ZNF268: variants seen among roughly 807,000 people sequenced by gnomAD.
The protein encoded by ZNF268 is zinc finger protein 268.
A neutral mutation model predicts 29.3 loss-of-function variants in ZNF268; 20 were observed. That is an observed-to-expected ratio of 0.68 (90% CI 0.48 to 0.99). The LOEUF is 0.99. ZNF268 is among the 50% of genes least tolerant of loss of function. The pLI is 0.00. For synonymous variants in ZNF268, 429 were observed against 376.9 expected, an observed-to-expected ratio of 1.14 and a Z score of -1.60; for missense variants, 1,240 against 1,121.6, an observed-to-expected ratio of 1.11 and a Z score of -1.51.
At chr12:133,196,319 TA>T (rs58218652) in intron 5 of ZNF268, among the ~76,000 whole-genome samples, 2,143 of 100,916 alleles carry the variant, frequency 0.021, 56 homozygotes, top group African/African-American at 0.064. Context: ...AGACTCCATC[TA>T]AAAAAAAAAA....
chr12:133,182,809 T>G (rs1369049677), intron 2 of ZNF268, among the ~76,000 whole-genome samples: 3 of 152,112 alleles, frequency 2.0e-5, no homozygotes, highest in African/African-American at 7.2e-5. Context: ...ATAGTAGAGT[T>G]ATATTAAAAA....
In ZNF268 at chr12:133,203,738, T is replaced by G. The variant is rs1363230573; in HGVS notation, c.2052T>G (p.Ile684Met). Reference protein sequence around the residue: ...AKTFSLKSQLIVHQRSHTGVK... With the variant: ...AKTFSLKSQLMVHQRSHTGVK... ...CCTTTAGTTTGAAGTCCCAGCTCAT[T>G]GTACATCAGAGAAGTCACACAGGAG... Residue 684 changes from isoleucine (I) to methionine (M), a missense_variant, in exon 6 of 6, where the codon ATT (isoleucine) becomes ATG (methionine). Ile to Met is a conservative substitution (Grantham distance 10). Around this residue, in one of 3 missense-constraint regions of ZNF268, gnomAD observed 1,177 missense variants for 1,039.6 expected, o/e 1.13. Coordinates refer to ENST00000536435, the MANE Select transcript of ZNF268 (RefSeq NM_003415.3). 1 of 1,556,022 alleles carries G rather than the reference T, an allele frequency of 6.4e-7. No homozygotes were observed. The highest frequency in any genetic ancestry group is 1.2e-5 in the South Asian group (1 of 85,978).
rs370704179 is a variant in ZNF268, at chr12:133,203,653, T to C, written c.1967T>C (p.Ile656Thr). 4.8e-5 allele frequency: 75 copies of C among 1,554,820 alleles called. No homozygotes were observed. Among genetic ancestry groups the C allele is most frequent in the Admixed American group, 1.2e-4 (6 of 51,920 alleles). The change falls in exon 6 of 6, where the codon ATT becomes ACT. Residue 656 changes from isoleucine (I) to threonine (T), a missense_variant. By Grantham distance (89) the Ile-to-Thr change is moderately conservative. Around this residue, in one of 3 missense-constraint regions of ZNF268, gnomAD observed 1,177 missense variants for 1,039.6 expected, o/e 1.13. Transcript: ENST00000536435. Reference sequence around the variant, plus strand: ...GCCTTTACGTTCAAATCACAGCTCATTGTACATAAAGGAGTGCACACTGGA... The same window carrying C: ...GCCTTTACGTTCAAATCACAGCTCACTGTACATAAAGGAGTGCACACTGGA... The part of the protein sequence containing the change: ...GKAFTFKSQL[I>T]VHKGVHTGVK...
intron 1 of ZNF268, 97 bp downstream of exon 1, chr12:133,181,783 A>C: frequency 1.7e-6 from 1 of 590,570 alleles, no homozygotes; most frequent in Non-Finnish European, 3.0e-6. Context: ...GCCTGACCCT[A>C]ACCTGTGTGT....
Position 133,191,518 on chromosome 12 carries a change from G to A in ZNF268, c.264G>A (p.Val88=), listed in dbSNP as rs1477573538. The A allele has an allele frequency of 4.3e-6, 7 of 1,613,886 alleles. No homozygotes were observed. The highest frequency in any genetic ancestry group is 5.9e-6 in the Non-Finnish European group (7 of 1,179,960). Residue 88 remains valine (V), a synonymous_variant, in exon 4 of 6, where the codon GTG becomes GTA. Coordinates refer to ENST00000536435, the MANE Select transcript of ZNF268 (RefSeq NM_003415.3). The part of the protein sequence containing the change: ...WGPLSFMDVF[V]DFTWEEWQLL... Reference sequence around the variant, plus strand: ...CTTTGTCATTCATGGATGTGTTTGTGGATTTTACCTGGGAGGAGTGGCAGC... The same window carrying A: ...CTTTGTCATTCATGGATGTGTTTGTAGATTTTACCTGGGAGGAGTGGCAGC...
chr12:133,208,172 C>A lies in ZNF268; in HGVS notation c.*3642C>A, dbSNP rs1353051753. 1 of 151,970 alleles carries A rather than the reference C, an allele frequency of 6.6e-6. No homozygotes were observed. Among genetic ancestry groups the A allele is most frequent in the East Asian group, 1.9e-4 (1 of 5,176 alleles). The allele number at this position is 151,970 out of a possible 1,614,324, so 9.4% of individuals were successfully genotyped here. A position where few individuals can be genotyped will look rare whatever the true frequency, so the allele number is the denominator to read the frequency against. ...GACAAGCCTGACCAATATAGGGAGA[C>A]CCTGTCTGTACAAAAACTTTTTAAA... On this transcript the variant is annotated 3_prime_UTR_variant, in exon 6 of 6. Coordinates refer to ENST00000536435, the MANE Select transcript of ZNF268 (RefSeq NM_003415.3).
Position 133,203,430 on chromosome 12 carries a change from A to G in ZNF268, c.1744A>G (p.Lys582Glu). The change falls in exon 6 of 6, where the codon AAG (lysine) becomes GAG (glutamate). Residue 582 changes from lysine to glutamate, a missense_variant. Physicochemically the swap from Lys to Glu is moderately conservative, Grantham distance 56 (BLOSUM62 1). Around this residue, in one of 3 missense-constraint regions of ZNF268, gnomAD observed 1,177 missense variants for 1,039.6 expected, o/e 1.13. Transcript: ENST00000536435. Reference protein sequence around the residue: ...ISHQRTHAGEKPYECTDCGKA... With the variant: ...ISHQRTHAGEEPYECTDCGKA... ...ACACCAGAGAACTCATGCAGGAGAGAAGCCTTATGAATGCACCGACTGTGG... is the reference window on the plus strand; with the variant it reads ...ACACCAGAGAACTCATGCAGGAGAGGAGCCTTATGAATGCACCGACTGTGG... The G allele has an allele frequency of 6.5e-7, 1 of 1,543,400 alleles. No homozygotes were observed. Among genetic ancestry groups the G allele is most frequent in the Non-Finnish European group, 8.7e-7 (1 of 1,149,060 alleles).
Position 133,212,916 on chromosome 12 carries a change from T to C in ZNF268, c.*8386T>C, listed in dbSNP as rs36135141. 0.78 allele frequency: 118,052 copies of C among 152,166 alleles called. 46,593 individuals are homozygous for C. The highest frequency in any genetic ancestry group is 0.92 in the African/African-American group (38,016 of 41,544). The allele number at this position is 152,166 out of a possible 1,614,324, so 9.4% of individuals were successfully genotyped here. On this transcript the variant is annotated 3_prime_UTR_variant, in exon 6 of 6. Coordinates refer to ENST00000536435, the MANE Select transcript of ZNF268 (RefSeq NM_003415.3). ...CCAGGCTGGAGTGCAGTGGCACCAT[T>C]TCAGCTCACTGCAACCTCCGCCTCC...
rs1462296347 is a variant in ZNF268 at position 133,203,609 on chromosome 12, TTGTAA to T, written c.1926_1930del (p.Cys642Ter). On this transcript the variant is annotated frameshift_variant, in exon 6 of 6. Coordinates refer to ENST00000536435, the MANE Select transcript of ZNF268 (RefSeq NM_003415.3). LOFTEE classifies it low-confidence loss of function (END_TRUNC). The stretch of plus-strand genomic sequence containing the variant: ...CTCATACAGGAGAGAAACCCTATAG[TTGTAA>T]TGAATGTGGAAAAGCCTTTACGTTC... The T allele has an allele frequency of 6.4e-7, 1 of 1,568,930 alleles. No homozygotes were observed. The highest frequency in any genetic ancestry group is 8.6e-7 in the Non-Finnish European group (1 of 1,160,638).
intron 2 of ZNF268, among the ~76,000 whole-genome samples, chr12:133,185,064 A>C (rs1312583838): frequency 6.6e-6 from 1 of 151,392 alleles, no homozygotes; most frequent in Admixed American, 6.6e-5. Context: ...GGCACCTGTA[A>C]TCCCAGCTAC....
Position 133,203,698 on chromosome 12 carries a change from G to T in ZNF268, c.2012G>T (p.Ser671Ile). Residue 671 changes from serine (S) to isoleucine (I), a missense_variant, in exon 6 of 6, where the codon AGT (serine) becomes ATT (isoleucine). This residue lies in a region of ZNF268 where 1,177 missense variants were observed against 1,039.6 expected (regional missense o/e 1.13). Coordinates refer to ENST00000536435, the MANE Select transcript of ZNF268 (RefSeq NM_003415.3). The part of the protein sequence containing the change: ...VHTGVKPYGC[S>I]QCAKTFSLKS... ...ACTGGAGTAAAACCCTATGGATGCAGTCAATGTGCAAAAACCTTTAGTTTG... is the reference window on the plus strand; with the variant it reads ...ACTGGAGTAAAACCCTATGGATGCATTCAATGTGCAAAAACCTTTAGTTTG... The T allele has an allele frequency of 1.9e-6, 3 of 1,546,990 alleles. No homozygotes were observed. The highest frequency in any genetic ancestry group is 2.6e-6 in the Non-Finnish European group (3 of 1,151,934).
intron 2 of ZNF268, among the ~76,000 whole-genome samples, chr12:133,183,077 A>T (rs1956218674): frequency 6.6e-6 from 1 of 152,210 alleles, no homozygotes; most frequent in African/African-American, 2.4e-5. Flanking sequence ...CGCATGCGAA[A>T]GATCTAGGTT....
chr12:133,213,241 T>G lies in ZNF268; in HGVS notation c.*8711T>G, dbSNP rs1371084945. The G allele has an allele frequency of 6.6e-6, 1 of 152,222 alleles. No homozygotes were observed. Among genetic ancestry groups the G allele is most frequent in the African/African-American group, 2.4e-5 (1 of 41,456 alleles). The allele number at this position is 152,222 out of a possible 1,614,324, so 9.4% of individuals were successfully genotyped here. On this transcript the variant is annotated 3_prime_UTR_variant, in exon 6 of 6. Coordinates refer to ENST00000536435, the MANE Select transcript of ZNF268 (RefSeq NM_003415.3). The stretch of plus-strand genomic sequence containing the variant: ...TTTTCCTTTACCTAATGGCTAGTGA[T>G]GTTGAAAATCTTTTCATGTACTTCT...
chr12:133,184,981 C>T (rs1051298441), intron 2 of ZNF268, among the ~76,000 whole-genome samples: 2 of 151,956 alleles, frequency 1.3e-5, no homozygotes, highest in African/African-American at 2.4e-5. Flanking sequence ...GTCAGGAGTT[C>T]GAGACCAGCC....
intron 2 of ZNF268, among the ~76,000 whole-genome samples, chr12:133,186,867 T>G (rs762201849): frequency 2.0e-5 from 3 of 152,202 alleles, no homozygotes; most frequent in Non-Finnish European, 4.4e-5. Context: ...GGCACACACA[T>G]GCGTATACGT....
In ZNF268 at chr12:133,212,430, C is replaced by T. The variant is rs1478957084; in HGVS notation, c.*7900C>T. On this transcript the variant is annotated 3_prime_UTR_variant, in exon 6 of 6. Transcript: ENST00000536435. ...ATTTCAGGATCAGTTCCAAGGGAGA[C>T]TTTCATGTGTGATTTTATATATATA... 7.2e-6 allele frequency: 1 copy of T among 139,422 alleles called. No individual in the cohort carries two copies. The highest frequency in any genetic ancestry group is 1.5e-5 in the Non-Finnish European group (1 of 64,634). The allele number at this position is 139,422 out of a possible 1,614,324, so 8.6% of individuals were successfully genotyped here.
chr12:133,209,733 A>C lies in ZNF268; in HGVS notation c.*5203A>C, dbSNP rs1003792437. 6.6e-6 allele frequency: 1 copy of C among 152,220 alleles called. No individual in the cohort carries two copies. The highest frequency in any genetic ancestry group is 6.5e-5 in the Admixed American group (1 of 15,278). The allele number at this position is 152,220 out of a possible 1,614,324, so 9.4% of individuals were successfully genotyped here. Reference sequence around the variant, plus strand: ...CCAAGCTACTCAGGAGAATTGCTTGAACTGGAGAGGCGGAGGTTGCAGTGA... The same window carrying C: ...CCAAGCTACTCAGGAGAATTGCTTGCACTGGAGAGGCGGAGGTTGCAGTGA... On this transcript the variant is annotated 3_prime_UTR_variant, in exon 6 of 6. Coordinates refer to ENST00000536435, the MANE Select transcript of ZNF268 (RefSeq NM_003415.3).
intron 2 of ZNF268, chr12:133,184,667 G>A: frequency 2.3e-6 from 1 of 443,090 alleles, no homozygotes; most frequent in South Asian, 1.6e-5. Context: ...CTTCCAGGCT[G>A]GAGTGCAGTG....
At position 133,203,299 on chromosome 12, in the gene ZNF268, G is replaced by A; in HGVS notation, c.1613G>A (p.Ser538Asn). 1 of 1,540,894 alleles carries A rather than the reference G, an allele frequency of 6.5e-7. No homozygotes were observed. The highest frequency in any genetic ancestry group is 8.7e-7 in the Non-Finnish European group (1 of 1,147,720). Residue 538 changes from serine to asparagine, a missense_variant, in exon 6 of 6, where the codon AGT becomes AAT. Ser to Asn is a conservative substitution (Grantham distance 46, BLOSUM62 1). This residue lies in a region of ZNF268 where 1,177 missense variants were observed against 1,039.6 expected (regional missense o/e 1.13). Coordinates refer to ENST00000536435, the MANE Select transcript of ZNF268 (RefSeq NM_003415.3). Reference sequence around the variant, plus strand: ...TGCAACAATTGTGGGAAAGCCTTCAGTTTTAAATCACAGCTCATTATACAT... The same window carrying A: ...TGCAACAATTGTGGGAAAGCCTTCAATTTTAAATCACAGCTCATTATACAT... ...HECNNCGKAF[S>N]FKSQLIIHQR...
Sources: allele counts gnomAD v4.1 joint callset (sites outside exome capture counted in the v4.1 genomes callset), GRCh38; gene constraint gnomAD v4.1.1; regional missense constraint gnomAD v4.1.1; transcripts MANE v1.5; gene names NCBI Gene and HGNC (gene_info 2026-07-23, HGNC 2026-07-21).